CYB5R4: variants seen among roughly 807,000 people sequenced by gnomAD.
The protein encoded by CYB5R4 is cytochrome b5 reductase 4.
A neutral mutation model predicts 70.2 loss-of-function variants in CYB5R4; 55 were observed. The observed-to-expected ratio is 0.78, with a 90% confidence interval of 0.63 to 0.98. CYB5R4 has a LOEUF of 0.98. CYB5R4 is among the 50% of genes least tolerant of loss of function. CYB5R4 has a pLI of 0.00. For synonymous variants in CYB5R4, 197 were observed against 199.5 expected (o/e 0.99, Z 0.11); for missense variants, 562 against 612.6 (o/e 0.92, Z 0.87).
At chr6:83,878,107 G>A (rs1273780166) in intron 2 of CYB5R4, among the ~76,000 whole-genome samples, 4 of 152,040 alleles carry the variant, frequency 2.6e-5, no homozygotes, top group African/African-American at 7.2e-5. Flanking sequence ...GCCCATTAAA[G>A]AAATTCTTCA....
At chr6:83,879,950 T>C (rs9353146) in intron 2 of CYB5R4, among the ~76,000 whole-genome samples, 23,412 of 152,086 alleles carry the variant, frequency 0.15, 3,520 homozygotes, top group African/African-American at 0.37. Context: ...GAGGGGCGTG[T>C]CATCCTTTGG....
chr6:83,956,557 T>C (rs907522878), intron 15 of CYB5R4, among the ~76,000 whole-genome samples: 5 of 152,152 alleles, frequency 3.3e-5, no homozygotes, highest in Non-Finnish European at 7.4e-5. Context: ...AGATAATAGA[T>C]GACAATGTTT....
intron 14 of CYB5R4, among the ~76,000 whole-genome samples, chr6:83,947,576 A>T (rs1295370249): frequency 6.6e-6 from 1 of 152,194 alleles, no homozygotes; most frequent in Non-Finnish European, 1.5e-5. Context: ...GCTTCTGTAT[A>T]GCAAAATAAA....
chr6:83,863,095 C>T (rs1260322939), intron 1 of CYB5R4, among the ~76,000 whole-genome samples: 1 of 152,148 alleles, frequency 6.6e-6, no homozygotes, highest in Non-Finnish European at 1.5e-5. Flanking sequence ...TGAAAATGTT[C>T]TGGTCAAAGT....
At chr6:83,881,456 C>T (rs1359318232) in intron 2 of CYB5R4, among the ~76,000 whole-genome samples, 1 of 152,194 alleles carries the variant, frequency 6.6e-6, no homozygotes, top group Non-Finnish European at 1.5e-5. Flanking sequence ...GATTACCAGG[C>T]ATGAGCCACA....
chr6:83,896,908 T>C (rs913038397), intron 3 of CYB5R4, among the ~76,000 whole-genome samples: 6 of 152,080 alleles, frequency 3.9e-5, no homozygotes, highest in Admixed American at 6.6e-5. Flanking sequence ...TGAGTTCCAT[T>C]TTCTTTTTTT....
chr6:83,904,946 G>A (rs2099463534), intron 3 of CYB5R4, among the ~76,000 whole-genome samples: 1 of 151,080 alleles, frequency 6.6e-6, no homozygotes, highest in Non-Finnish European at 1.5e-5. Flanking sequence ...CTTTGGAAGT[G>A]TCATATTTCC....
intron 14 of CYB5R4, among the ~76,000 whole-genome samples, chr6:83,949,171 C>T (rs373750753): frequency 6.7e-6 from 1 of 149,166 alleles, no homozygotes; most frequent in African/African-American, 2.5e-5. Flanking sequence ...AACAAAATGA[C>T]CATGCCTGTG....
rs1469067480 is a variant in CYB5R4 at position 83,936,428 on chromosome 6, A to G, written c.1108+52A>G. ...TCATTTGTGCTCTAGATTGGATCAC[A>G]TTGTCCTCTAGTTATCTCCATGTAG... On this transcript the variant is annotated intron_variant, in intron 12 of 15. Coordinates refer to ENST00000369681, the MANE Select transcript of CYB5R4 (RefSeq NM_016230.4). The G allele has an allele frequency of 4.0e-6, 6 of 1,499,660 alleles. No homozygotes were observed. In the African/African-American group the frequency reaches 4.2e-5, roughly 10 times the overall value. The allele number at this position is 1,499,660 out of a possible 1,614,324, so 92.9% of individuals were successfully genotyped here. A position where few individuals can be genotyped will look rare whatever the true frequency, so the allele number is the denominator to read the frequency against.
chr6:83,877,567 A>C (rs1196269902), intron 2 of CYB5R4, among the ~76,000 whole-genome samples: 4 of 151,844 alleles, frequency 2.6e-5, no homozygotes, highest in Non-Finnish European at 2.9e-5. Flanking sequence ...TGGGTGGGGG[A>C]GGATGTGCCA....
intron 10 of CYB5R4, 140 bp from the exon 11 acceptor site, chr6:83,934,455 T>G: frequency 1.7e-6 from 1 of 572,848 alleles, no homozygotes; most frequent in Non-Finnish European, 3.0e-6. Context: ...AAATATTGAT[T>G]AATTTTTTAA....
chr6:83,937,608 C>T (rs1019970841), intron 12 of CYB5R4, among the ~76,000 whole-genome samples: 7 of 152,154 alleles, frequency 4.6e-5, no homozygotes, highest in African/African-American at 1.7e-4. Context: ...CAACCTCTGC[C>T]TCCTGGGTTC....
intron 14 of CYB5R4, among the ~76,000 whole-genome samples, chr6:83,941,874 G>A: frequency 6.6e-6 from 1 of 152,162 alleles, no homozygotes; most frequent in African/African-American, 2.4e-5. Context: ...TTATCAAGAA[G>A]CCTAAAGACC....
intron 2 of CYB5R4, among the ~76,000 whole-genome samples, chr6:83,891,726 G>A (rs1468298492): frequency 1.3e-5 from 2 of 152,108 alleles, no homozygotes; most frequent in African/African-American, 4.8e-5. Context: ...AGTGATCCTA[G>A]CCCCTATCAG....
intron 10 of CYB5R4, among the ~76,000 whole-genome samples, chr6:83,932,110 T>C (rs2099468240): frequency 6.6e-6 from 1 of 152,148 alleles, no homozygotes; most frequent in African/African-American, 2.4e-5. Flanking sequence ...TTTTTTCTTA[T>C]CTTATATACT....
At chr6:83,874,771 T>G (rs1434016021) in intron 2 of CYB5R4, among the ~76,000 whole-genome samples, 8 of 152,136 alleles carry the variant, frequency 5.3e-5, no homozygotes, top group Non-Finnish European at 1.0e-4. Context: ...TTAGAACATC[T>G]GTTTCGTTTT....
chr6:83,953,672 A>G (rs370852014), intron 14 of CYB5R4, among the ~76,000 whole-genome samples: 27 of 152,118 alleles, frequency 1.8e-4, no homozygotes, highest in African/African-American at 6.5e-4. Context: ...AATATTTTAG[A>G]TGAGATATAA....
At chr6:83,860,197 A>G (rs1043253065) in intron 1 of CYB5R4, among the ~76,000 whole-genome samples, 2 of 151,220 alleles carry the variant, frequency 1.3e-5, no homozygotes, top group Non-Finnish European at 3.0e-5. Context: ...CCTTCCCTCA[A>G]CCTCATCTTC....
At chr6:83,924,092 A>ATTAAAT (rs1349665434) in intron 9 of CYB5R4, among the ~76,000 whole-genome samples, 2 of 144,552 alleles carry the variant, frequency 1.4e-5, no homozygotes, top group Non-Finnish European at 3.0e-5. Context: ...AAAAAAAAGA[A>ATTAAAT]TTAAATTTGC....
Sources: allele counts gnomAD v4.1 joint callset (sites outside exome capture counted in the v4.1 genomes callset), GRCh38; gene constraint gnomAD v4.1.1; transcripts MANE v1.5; gene names NCBI Gene and HGNC (gene_info 2026-07-23, HGNC 2026-07-21).